Variants in GRIK4 observed in about 807,000 individuals in gnomAD.
The protein encoded by GRIK4 is glutamate ionotropic receptor kainate type subunit 4, also known as glutamate receptor ionotropic, kainate 4.
A neutral mutation model predicts 104.9 loss-of-function variants in GRIK4; 40 were observed. That is an observed-to-expected ratio of 0.38 (90% CI 0.30 to 0.50). The LOEUF is 0.50. Among genes scored for constraint, GRIK4 ranks in the 20% least tolerant of loss-of-function variants. The pLI is 0.93. For missense variants in GRIK4, 1,047 were observed against 1,308.1 expected (o/e 0.80, Z 3.08); for synonymous variants, 485 against 524.9 (o/e 0.92, Z 1.04).
In GRIK4 at chr11:120,549,355, C is replaced by G. The variant is rs1380422322; in HGVS notation, c.-159+37468C>G. 1.3e-5 allele frequency among the ~76,000 whole-genome samples: 2 copies of G among 152,162 alleles called. No homozygotes were observed. Among genetic ancestry groups the G allele is most frequent in the African/African-American group, 4.8e-5 (2 of 41,438 alleles). On this transcript the variant is annotated intron_variant, in intron 1 of 20. Coordinates refer to ENST00000527524, the MANE Select transcript of GRIK4 (RefSeq NM_014619.5). This position sits in a 1 kb window ranked among gnomAD's most constrained non-coding sequence, Gnocchi z 4.7. ...ACTCTTGACCTCATGATGCACCCAC[C>G]TTGGACTCCCAAAGTGCTGGAATTA...
chr11:120,566,208 T>TAGC (rs1948320638), intron 1 of GRIK4, among the ~76,000 whole-genome samples: 1 of 152,222 alleles, frequency 6.6e-6, no homozygotes, highest in Non-Finnish European at 1.5e-5. Flanking sequence ...TGAACAGTTG[T>TAGC]AGCTCTATGA....
chr11:120,728,465 A>G lies in GRIK4; in HGVS notation c.82+68065A>G, dbSNP rs1017937075. ...ACAAAATAACTAGAGAGAGATTGAC[A>G]TAAAACCAATGATGAGCATTAAACA... is the stretch of plus-strand genomic sequence containing the variant. On this transcript the variant is annotated intron_variant, in intron 3 of 20. Coordinates refer to ENST00000527524, the MANE Select transcript of GRIK4 (RefSeq NM_014619.5). 7.2e-5 allele frequency among the ~76,000 whole-genome samples: 11 copies of G among 152,340 alleles called. 1 individual carries two copies. In the East Asian group the frequency reaches 1.3e-3, roughly 19 times the overall value.
At chr11:120,535,272 CCAGAGGG>C (rs200228884) in intron 1 of GRIK4, among the ~76,000 whole-genome samples, 3,940 of 91,626 alleles carry the variant, frequency 0.043, 172 homozygotes, top group African/African-American at 0.16. Flanking sequence ...CCTCCTGGGA[CCAGAGGG>C]AAGAGGGAAG....
chr11:120,696,298 G>C (rs947935697), intron 3 of GRIK4, among the ~76,000 whole-genome samples: 4 of 152,172 alleles, frequency 2.6e-5, no homozygotes, highest in African/African-American at 9.7e-5. Flanking sequence ...GGGAAGAGAT[G>C]TGTCCTGTAC....
intron 1 of GRIK4, among the ~76,000 whole-genome samples, chr11:120,647,750 G>C (rs1949562406): frequency 1.3e-5 from 2 of 152,238 alleles, no homozygotes; most frequent in African/African-American, 4.8e-5. Flanking sequence ...TGTGACAGAG[G>C]CCACCCTGAC....
chr11:120,872,941 G>A (rs1326828368), intron 9 of GRIK4: 2 of 152,230 alleles, frequency 1.3e-5, no homozygotes, highest in Non-Finnish European at 2.9e-5. Context: ...CACTTATTGG[G>A]TAGTGGGCAA....
chr11:120,880,498 G>T (rs1051500634), intron 11 of GRIK4, among the ~76,000 whole-genome samples: 1 of 152,234 alleles, frequency 6.6e-6, no homozygotes, highest in African/African-American at 2.4e-5. Flanking sequence ...ACAAGTCCAA[G>T]TACAAGTACA....
intron 19 of GRIK4, among the ~76,000 whole-genome samples, chr11:120,968,548 T>A (rs1437219767): frequency 6.6e-6 from 1 of 152,238 alleles, no homozygotes; most frequent in Admixed American, 6.5e-5. Flanking sequence ...TCAGTGTCTA[T>A]ACGTGGATCT....
chr11:120,896,313 C>G (rs1289412135), intron 11 of GRIK4, among the ~76,000 whole-genome samples: 1 of 152,220 alleles, frequency 6.6e-6, no homozygotes, highest in African/African-American at 2.4e-5. Flanking sequence ...GTTGGGTGGG[C>G]TCTTTTGTTT....
In GRIK4 at chr11:120,819,659, G is replaced by C; in HGVS notation, c.346-96G>C. The C allele has an allele frequency of 8.5e-7, 1 of 1,177,190 alleles. No homozygotes were observed. The allele number at this position is 1,177,190 out of a possible 1,614,324, so 72.9% of individuals were successfully genotyped here. On this transcript the variant is annotated intron_variant, in intron 5 of 20. Transcript: ENST00000527524. The surrounding 1 kb of genome is among the most constrained non-coding windows in gnomAD (Gnocchi z 4.3). ...TGTCTGGCGAAGGTGTTACATAAAA[G>C]AACTCACCCTCCACAACCTCAGCTC...
intron 6 of GRIK4, among the ~76,000 whole-genome samples, chr11:120,829,356 A>G (rs1287262517): frequency 1.3e-5 from 2 of 152,068 alleles, no homozygotes; most frequent in Admixed American, 6.5e-5. Context: ...CTTTACATAT[A>G]GGACAAAATG....
chr11:120,765,236 G>T (rs1043275639), intron 3 of GRIK4, among the ~76,000 whole-genome samples: 1 of 150,700 alleles, frequency 6.6e-6, no homozygotes, highest in Non-Finnish European at 1.5e-5. Flanking sequence ...CCTTTCTTCT[G>T]CTTGATCGGT....
chr11:120,639,663 C>T (rs113994337), intron 1 of GRIK4, among the ~76,000 whole-genome samples: 2,376 of 152,272 alleles, frequency 0.016, 67 homozygotes, highest in African/African-American at 0.053. Context: ...CTAAAAAGCT[C>T]GCAAATGCAA....
intron 3 of GRIK4, among the ~76,000 whole-genome samples, chr11:120,779,401 A>G (rs1333464905): frequency 6.6e-6 from 1 of 152,160 alleles, no homozygotes; most frequent in Non-Finnish European, 1.5e-5. Context: ...TTAAAGGGCA[A>G]GTACCCTGGT....
chr11:120,632,558 T>C (rs995888851), intron 1 of GRIK4, among the ~76,000 whole-genome samples: 6 of 152,140 alleles, frequency 3.9e-5, no homozygotes, highest in Admixed American at 1.3e-4. Context: ...GTATGAGATA[T>C]AGAAGTCTAA....
intron 3 of GRIK4, among the ~76,000 whole-genome samples, chr11:120,715,187 G>A (rs919659760): frequency 1.1e-4 from 16 of 152,164 alleles, no homozygotes; most frequent in African/African-American, 3.6e-4. Context: ...GCTGGGATTC[G>A]GCTTATCTGT....
At chr11:120,557,013 TCTC>T (rs1450053565) in intron 1 of GRIK4, among the ~76,000 whole-genome samples, 1 of 152,108 alleles carries the variant, frequency 6.6e-6, no homozygotes. Flanking sequence ...ACCCGTCCAG[TCTC>T]CTCCTGCCCA....
chr11:120,893,302 G>A (rs1165715896), intron 11 of GRIK4, among the ~76,000 whole-genome samples: 1 of 152,160 alleles, frequency 6.6e-6, no homozygotes, highest in Non-Finnish European at 1.5e-5. Flanking sequence ...TACATTCTAT[G>A]TACGTGCAAA....
chr11:120,597,644 T>C (rs2059381233), intron 1 of GRIK4, among the ~76,000 whole-genome samples: 1 of 152,226 alleles, frequency 6.6e-6, no homozygotes, highest in South Asian at 2.1e-4. Context: ...CATTCAGGGA[T>C]CCGTGGGGGT....
Sources: allele counts gnomAD v4.1 joint callset (sites outside exome capture counted in the v4.1 genomes callset), GRCh38; gene constraint gnomAD v4.1.1; non-coding constraint Gnocchi (gnomAD v3.1); transcripts MANE v1.5; gene names NCBI Gene and HGNC (gene_info 2026-07-23, HGNC 2026-07-21).